TAF4B: variants seen among roughly 807,000 people sequenced by gnomAD.
TAF4B encodes transcription initiation factor TFIID subunit 4B.
In TAF4B, 38 loss-of-function variants were observed where a neutral mutation model predicts 86.4. That is an observed-to-expected ratio of 0.44 (90% CI 0.34 to 0.58). The LOEUF is 0.58. TAF4B is among the 20% of genes least tolerant of loss of function. The pLI, the probability that TAF4B is intolerant of heterozygous loss-of-function variation, is 0.02. For missense variants in TAF4B, 988 were observed against 1,027.6 expected (o/e 0.96, Z 0.53); for synonymous variants, 388 against 391.2 (o/e 0.99, Z 0.10).
At chr18:26,227,312 T>G (rs942372567) in intron 1 of TAF4B, 36 bp downstream of exon 1, 1 of 1,582,876 alleles carries the variant, frequency 6.3e-7, no homozygotes, top group Non-Finnish European at 8.6e-7. Context: ...TGTCTGTCGG[T>G]CCAGCTGGCG....
chr18:26,323,627 T>C (rs113767608), intron 11 of TAF4B, among the ~76,000 whole-genome samples: 81 of 152,258 alleles, frequency 5.3e-4, no homozygotes, highest in Non-Finnish European at 8.7e-4. Flanking sequence ...GCTTCATATA[T>C]TTGAGAAGTC....
At chr18:26,307,206 C>T (rs139453835) in intron 9 of TAF4B, among the ~76,000 whole-genome samples, 41 of 152,258 alleles carry the variant, frequency 2.7e-4, no homozygotes, top group African/African-American at 9.6e-4. Context: ...AACTGTATGA[C>T]ATTTAATAAT....
intron 14 of TAF4B, among the ~76,000 whole-genome samples, chr18:26,389,434 A>G (rs1978573978): frequency 6.6e-6 from 1 of 150,732 alleles, no homozygotes; most frequent in Non-Finnish European, 1.5e-5. Context: ...TAAAGTCTAC[A>G]TTTGATAGAT....
At chr18:26,238,735 C>A (rs115101849) in intron 1 of TAF4B, among the ~76,000 whole-genome samples, 1,535 of 152,100 alleles carry the variant, frequency 0.01, 19 homozygotes, top group African/African-American at 0.035. Context: ...GCTGTCCGTC[C>A]CCCTTCCTCC....
At chr18:26,324,141 A>G (rs1463449031) in intron 11 of TAF4B, among the ~76,000 whole-genome samples, 1 of 152,200 alleles carries the variant, frequency 6.6e-6, no homozygotes, top group Non-Finnish European at 1.5e-5. Context: ...TTATCAGCTT[A>G]CTTTTAATTT....
At chr18:26,250,273 G>A (rs1042650752) in intron 1 of TAF4B, among the ~76,000 whole-genome samples, 6 of 152,104 alleles carry the variant, frequency 3.9e-5, no homozygotes, top group African/African-American at 1.2e-4. Flanking sequence ...CGAGGCAGGC[G>A]GATCACGAGG....
rs1017608997 is a variant in TAF4B at position 26,282,071 on chromosome 18, G to A, written c.972+11G>A. ...GTTCCTTTTCTTAAGGTAGAGTTATGTGTCACTTAGAAGAAATAATTTGGA... is the reference window on the plus strand; with the variant it reads ...GTTCCTTTTCTTAAGGTAGAGTTATATGTCACTTAGAAGAAATAATTTGGA... On this transcript the variant is annotated intron_variant, in intron 6 of 14. Coordinates refer to ENST00000269142, the MANE Select transcript of TAF4B (RefSeq NM_005640.3). 6 of 1,583,860 alleles carry A rather than the reference G, an allele frequency of 3.8e-6. No individual in the cohort carries two copies. Among genetic ancestry groups the A allele is most frequent in the Non-Finnish European group, 3.5e-6 (4 of 1,156,828 alleles).
intron 11 of TAF4B, among the ~76,000 whole-genome samples, chr18:26,323,424 C>T (rs2056978531): frequency 6.6e-6 from 1 of 152,056 alleles, no homozygotes; most frequent in Admixed American, 6.6e-5. Context: ...TCATTGCAAC[C>T]TTGAACTCCT....
chr18:26,299,961 G>A lies in TAF4B; in HGVS notation c.1832+6430G>A, dbSNP rs141047405. ...TATCCTTTTAATGTCTATAAAATAT[G>A]TAGTCTCTCTCTTTTTATTAGTAGG... On this transcript the variant is annotated intron_variant, in intron 9 of 14. Transcript: ENST00000269142. 3.5e-3 allele frequency among the ~76,000 whole-genome samples: 538 copies of A among 152,002 alleles called. 3 individuals carry two copies. The highest frequency in any genetic ancestry group is 0.012 in the African/African-American group (504 of 41,476).
chr18:26,349,409 C>A (rs1218404763), intron 13 of TAF4B, among the ~76,000 whole-genome samples: 1 of 151,590 alleles, frequency 6.6e-6, no homozygotes, highest in Non-Finnish European at 1.5e-5. Flanking sequence ...GCTGAAAAAA[C>A]AAAATCAAGA....
At chr18:26,385,694 TCTTCTTC>T (rs1465218124) in intron 14 of TAF4B, among the ~76,000 whole-genome samples, 3 of 134,730 alleles carry the variant, frequency 2.2e-5, no homozygotes, top group East Asian at 2.0e-4. Context: ...TTTTTTTTTT[TCTTCTTC>T]TTCTTCTTCT....
At chr18:26,304,726 G>A (rs2056776749) in intron 9 of TAF4B, 2 of 985,244 alleles carry the variant, frequency 2.0e-6, no homozygotes, top group East Asian at 2.3e-4. Context: ...TCTTCCTTTA[G>A]GATATGCTTA....
chr18:26,273,302 AC>A (rs1157313567), intron 3 of TAF4B, among the ~76,000 whole-genome samples: 3 of 151,872 alleles, frequency 2.0e-5, no homozygotes, highest in Non-Finnish European at 4.4e-5. Flanking sequence ...TTTTCCAAAA[AC>A]CCTTTTGGTT....
chr18:26,378,291 G>T (rs1463751786), intron 14 of TAF4B, among the ~76,000 whole-genome samples: 1 of 152,134 alleles, frequency 6.6e-6, no homozygotes, highest in African/African-American at 2.4e-5. Flanking sequence ...AATTTCTCAA[G>T]CATTTCAGTA....
At chr18:26,376,815 A>G (rs1347436571) in intron 14 of TAF4B, among the ~76,000 whole-genome samples, 2 of 152,018 alleles carry the variant, frequency 1.3e-5, no homozygotes, top group African/African-American at 4.8e-5. Flanking sequence ...TGGGTTTCTC[A>G]TAGATGCTTT....
chr18:26,253,957 G>A (rs1197785962), intron 1 of TAF4B, among the ~76,000 whole-genome samples: 4 of 116,302 alleles, frequency 3.4e-5, no homozygotes, highest in Admixed American at 1.3e-4. Context: ...ATGGAGTTTC[G>A]CTCTGTTGCC....
intron 1 of TAF4B, chr18:26,255,927 G>A: frequency 7.9e-7 from 1 of 1,266,822 alleles, no homozygotes; most frequent in Non-Finnish European, 1.2e-6. Flanking sequence ...CTCTGTATCT[G>A]AGCCGTCATC....
intron 13 of TAF4B, among the ~76,000 whole-genome samples, chr18:26,346,759 G>GTATATA (rs1189521252): frequency 0.084 from 2,272 of 27,146 alleles, 421 homozygotes; most frequent in African/African-American, 0.17. Flanking sequence ...ATATATGTGT[G>GTATATA]TATATATATA....
At chr18:26,306,900 C>T (rs944684557) in intron 9 of TAF4B, among the ~76,000 whole-genome samples, 2 of 152,102 alleles carry the variant, frequency 1.3e-5, no homozygotes, top group South Asian at 4.1e-4. Context: ...GCCTCAGCCT[C>T]CTGAGTAGCT....
Sources: gnomAD v4.1 joint callset for allele counts (sites outside exome capture counted in the v4.1 genomes callset) on GRCh38, gnomAD v4.1.1 for gene constraint, MANE v1.5 for transcripts, NCBI Gene and HGNC (gene_info 2026-07-23, HGNC 2026-07-21) for gene names.